RANBP3: variants seen among roughly 807,000 people sequenced by gnomAD.
RANBP3 encodes ran-binding protein 3.
In RANBP3, 14 loss-of-function variants were observed where a neutral mutation model predicts 77.3. That is an observed-to-expected ratio of 0.18 (90% CI 0.12 to 0.28). The LOEUF is 0.28. Among genes scored for constraint, RANBP3 ranks in the 10% least tolerant of loss-of-function variants. The probability of loss-of-function intolerance (pLI) is 1.00; values close to 1 mark genes in which losing one functional copy is unlikely to be tolerated. For missense variants in RANBP3, 586 were observed against 752.3 expected (o/e 0.78, Z 2.59); for synonymous variants, 315 against 312.4 (o/e 1.01, Z -0.09).
intron 3 of RANBP3, among the ~76,000 whole-genome samples, chr19:5,949,570 T>A (rs546237468): frequency 1.3e-5 from 2 of 152,146 alleles, no homozygotes; most frequent in Non-Finnish European, 2.9e-5. Context: ...CAGAGCTACA[T>A]TGGAACATTT....
intron 5 of RANBP3, chr19:5,933,909 C>T (rs274792): frequency 0.67 from 105,578 of 156,972 alleles, 35,701 homozygotes; most frequent in Admixed American, 0.78. Context: ...CCAGGAAGAA[C>T]CTTGGCACCA....
At chr19:5,977,450 C>G (rs1287972993) in intron 1 of RANBP3, among the ~76,000 whole-genome samples, 1 of 151,360 alleles carries the variant, frequency 6.6e-6, no homozygotes, top group Non-Finnish European at 1.5e-5. Flanking sequence ...GATCCTGCGG[C>G]GGGGCCTAAA....
intron 10 of RANBP3, 173 bp from the exon 11 acceptor site, chr19:5,925,078 G>A: frequency 1.5e-6 from 1 of 671,096 alleles, no homozygotes; most frequent in South Asian, 1.7e-5. Flanking sequence ...CTGTGCCATT[G>A]AAAACATTAA....
chr19:5,933,335 C>T (rs992198922), intron 6 of RANBP3, 79 bp downstream of exon 6: 13 of 1,160,344 alleles, frequency 1.1e-5, no homozygotes, highest in South Asian at 3.0e-5. Context: ...GCTGAGCCCG[C>T]GGTGCCCTGG....
intron 1 of RANBP3, 119 bp downstream of exon 1, chr19:5,977,942 A>G (rs2058617215): frequency 2.2e-6 from 3 of 1,337,426 alleles, no homozygotes; most frequent in Admixed American, 2.9e-5. Context: ...CCACGGCGCT[A>G]GCCTGGAGCG....
chr19:5,973,245 C>A (rs539194768), intron 1 of RANBP3, among the ~76,000 whole-genome samples: 1 of 152,202 alleles, frequency 6.6e-6, no homozygotes, highest in East Asian at 1.9e-4. Flanking sequence ...TGCATCTCAC[C>A]CTCTCAGGGG....
intron 3 of RANBP3, among the ~76,000 whole-genome samples, chr19:5,946,421 G>A (rs1038895464): frequency 2.6e-5 from 4 of 152,104 alleles, no homozygotes; most frequent in African/African-American, 9.7e-5. Flanking sequence ...CCTCAAATCC[G>A]TGCCCCAAAT....
Position 5,925,752 on chromosome 19 carries a change from G to A in RANBP3, c.814-15C>T. 4 of 1,609,350 alleles carry A rather than the reference G, an allele frequency of 2.5e-6. No homozygotes were observed. Among genetic ancestry groups the A allele is most frequent in the East Asian group, 2.2e-5 (1 of 44,826 alleles). On this transcript the variant is annotated splice_polypyrimidine_tract_variant and intron_variant, in intron 9 of 16. Coordinates refer to ENST00000340578, the MANE Select transcript of RANBP3 (RefSeq NM_007322.3). ...TCATTTATCAGCTGGGAATGAGACG[G>A]AGCGCTCAGTAATCGGGGGTGGGGG...
rs576567693 is a variant in RANBP3, at chr19:5,948,408, G to A, written c.282+2985C>T. Among the ~76,000 whole-genome samples the A allele has an allele frequency of 5.9e-5, 9 of 151,766 alleles. No homozygotes were observed. In the East Asian group the frequency reaches 1.4e-3, roughly 23 times the overall value. ...GCGGAGCTTGCAGTGAGCAGAGATC[G>A]GGCCACTGCACTCCAGCCTGGGCGA... On this transcript the variant is annotated intron_variant, in intron 3 of 16. Coordinates refer to ENST00000340578, the MANE Select transcript of RANBP3 (RefSeq NM_007322.3).
chr19:5,925,643 A>C lies in RANBP3; in HGVS notation c.908T>G (p.Ile303Ser). 1 of 1,613,692 alleles carries C rather than the reference A, an allele frequency of 6.2e-7. No homozygotes were observed. Among genetic ancestry groups the C allele is most frequent in the South Asian group, 1.1e-5 (1 of 91,066 alleles). ...ACACCGAGACACACACCTGGAACTG[A>C]TATACTGGAGGAAATAGTTCGTTGC... is the stretch of plus-strand genomic sequence containing the variant. ...PTATNYFLQY[I>S]SSSLENSTNS... Residue 303 changes from isoleucine (I) to serine (S), a missense_variant, in exon 10 of 17, where the codon ATC (isoleucine) becomes AGC (serine). Coordinates refer to ENST00000340578, the MANE Select transcript of RANBP3 (RefSeq NM_007322.3).
At chr19:5,935,281 C>T (rs1460248490) in intron 5 of RANBP3, among the ~76,000 whole-genome samples, 1 of 152,170 alleles carries the variant, frequency 6.6e-6, no homozygotes, top group Non-Finnish European at 1.5e-5. Flanking sequence ...GGAGTCCAGC[C>T]CCAGGGGCTT....
At chr19:5,928,120 A>C in intron 8 of RANBP3, 33 bp from the exon 9 acceptor site, 1 of 1,599,188 alleles carries the variant, frequency 6.3e-7, no homozygotes, top group South Asian at 1.1e-5. Flanking sequence ...AGAGTAATCA[A>C]AACCAGTGCC....
chr19:5,951,051 T>C (rs2058267850), intron 3 of RANBP3, among the ~76,000 whole-genome samples: 2 of 152,026 alleles, frequency 1.3e-5, no homozygotes, highest in Admixed American at 1.3e-4. Flanking sequence ...GAAGGAAAAA[T>C]GGAAGGAGGG....
At chr19:5,967,271 G>C (rs2058478903) in intron 1 of RANBP3, among the ~76,000 whole-genome samples, 1 of 152,200 alleles carries the variant, frequency 6.6e-6, no homozygotes, top group African/African-American at 2.4e-5. Context: ...GTCTCATGGA[G>C]ATTATGGGGA....
chr19:5,922,729 C>G (rs1599720431), intron 13 of RANBP3, among the ~76,000 whole-genome samples: 1 of 152,208 alleles, frequency 6.6e-6, no homozygotes, highest in African/African-American at 2.4e-5. Context: ...CACATGAGGT[C>G]AGGAGTTTGA....
At chr19:5,956,140 GC>G (rs973337616) in intron 2 of RANBP3, among the ~76,000 whole-genome samples, 1 of 151,852 alleles carries the variant, frequency 6.6e-6, no homozygotes, top group Non-Finnish European at 1.5e-5. Context: ...TAAAACAACA[GC>G]AAAAAACAAA....
chr19:5,925,988 CAAAACCACGCCTTGTTAT>C (rs1271166284), intron 9 of RANBP3, among the ~76,000 whole-genome samples: 2 of 152,198 alleles, frequency 1.3e-5, no homozygotes, highest in East Asian at 1.9e-4. Flanking sequence ...CACCTTGTTA[CAAAACCACGCCTTGTTAT>C]AAAACCACGC....
intron 1 of RANBP3, among the ~76,000 whole-genome samples, chr19:5,971,335 CTCTT>C (rs2058527900): frequency 1.3e-5 from 2 of 152,058 alleles, no homozygotes; most frequent in South Asian, 4.1e-4. Context: ...TGAATTCTCT[CTCTT>C]TTTTTTTTAT....
intron 3 of RANBP3, among the ~76,000 whole-genome samples, chr19:5,948,184 C>T (rs1404787065): frequency 6.6e-6 from 1 of 152,226 alleles, no homozygotes; most frequent in Non-Finnish European, 1.5e-5. Flanking sequence ...GGCGTGGTGG[C>T]TCACGCCTGT....
Sources: allele counts gnomAD v4.1 joint callset (sites outside exome capture counted in the v4.1 genomes callset), GRCh38; gene constraint gnomAD v4.1.1; transcripts MANE v1.5; gene names NCBI Gene and HGNC (gene_info 2026-07-23, HGNC 2026-07-21).